NADK2: variants seen among roughly 807,000 people sequenced by gnomAD.
NADK2 encodes NAD kinase 2, mitochondrial.
NADK2 carries 35 observed loss-of-function variants against 62.1 expected under a neutral mutation model. The ratio of observed to expected loss-of-function variants is 0.56; its 90% confidence interval spans 0.43 to 0.75. The LOEUF is 0.75. Among genes scored for constraint, NADK2 ranks in the 30% least tolerant of loss-of-function variants. NADK2 has a pLI of 0.00. For missense variants in NADK2, 439 were observed against 561.3 expected, an observed-to-expected ratio of 0.78 and a Z score of 2.20; for synonymous variants, 205 against 207.9, an observed-to-expected ratio of 0.99 and a Z score of 0.12.
chr5:36,206,484 A>T (rs1422413330), intron 8 of NADK2, among the ~76,000 whole-genome samples: 1 of 151,718 alleles, frequency 6.6e-6, no homozygotes, highest in African/African-American at 2.4e-5. Context: ...GGATTTAGAG[A>T]CTGGGATATA....
chr5:36,217,837 A>G lies in NADK2; in HGVS notation c.692T>C (p.Ile231Thr), dbSNP rs770311243. Residue 231 changes from isoleucine (I) to threonine (T), a missense_variant, in exon 6 of 12, where the codon ATA becomes ACA. Transcript: ENST00000381937. The stretch of plus-strand genomic sequence containing the variant: ...GTGAAGGTCCACAGGTACAGGGTTT[A>G]TGCCAGTCCCTTCAAGGTATAACCT... ...RIRLYLEGTGINPVPVDLHEQ... is the reference protein window; with the variant it reads ...RIRLYLEGTGTNPVPVDLHEQ... The G allele has an allele frequency of 6.2e-7, 1 of 1,614,020 alleles. No homozygotes were observed.
rs1412570590 is a variant in NADK2 at position 36,205,428 on chromosome 5, C to G, written c.956+1742G>C. The stretch of plus-strand genomic sequence containing the variant: ...GCAAAAATAAAAAGCCAAGCGAGAA[C>G]AAAAAGTGTGCTGAGAATTGCAAGT... On this transcript the variant is annotated intron_variant, in intron 8 of 11. Coordinates refer to ENST00000381937, the MANE Select transcript of NADK2 (RefSeq NM_001085411.3). The surrounding 1 kb of genome is among the most constrained non-coding windows in gnomAD (Gnocchi z 4.1). Among the ~76,000 whole-genome samples the G allele has an allele frequency of 1.3e-5, 2 of 151,966 alleles. No homozygotes were observed. Among genetic ancestry groups the G allele is most frequent in the Admixed American group, 1.3e-4 (2 of 15,228 alleles).
chr5:36,222,034 T>C (rs916265425), intron 4 of NADK2: 10 of 152,284 alleles, frequency 6.6e-5, no homozygotes, highest in African/African-American at 2.4e-4. Flanking sequence ...TATAAAACTA[T>C]GCTAGTGACA....
chr5:36,227,614 G>A, intron 1 of NADK2, 49 bp from the exon 2 acceptor site: 2 of 1,019,996 alleles, frequency 2.0e-6, no homozygotes, highest in East Asian at 3.0e-5. Context: ...TATTACACAT[G>A]ATGTTCTAAT....
At chr5:36,230,183 C>G (rs1323539118) in intron 1 of NADK2, among the ~76,000 whole-genome samples, 1 of 152,102 alleles carries the variant, frequency 6.6e-6, no homozygotes, top group Non-Finnish European at 1.5e-5. Context: ...CAGGCTTATG[C>G]CACCTGACTT....
chr5:36,233,280 C>T lies in NADK2; in HGVS notation c.301-5715G>A, dbSNP rs79999953. 7.0e-3 allele frequency among the ~76,000 whole-genome samples: 1,072 copies of T among 152,288 alleles called. 11 individuals carry two copies. The highest frequency in any genetic ancestry group is 0.012 in the Non-Finnish European group (805 of 68,020). On this transcript the variant is annotated intron_variant, in intron 1 of 11. Transcript: ENST00000381937. Reference sequence around the variant, plus strand: ...CCCCTAACTAACCTTAACACCACCACATTTTGGGCGTCGTATGAAAACAAA... The same window carrying T: ...CCCCTAACTAACCTTAACACCACCATATTTTGGGCGTCGTATGAAAACAAA...
intron 1 of NADK2, among the ~76,000 whole-genome samples, chr5:36,235,308 T>G (rs910545392): frequency 6.6e-6 from 1 of 152,230 alleles, no homozygotes. Context: ...GTTAACCAAA[T>G]CAATGCTATT....
At chr5:36,208,796 T>C (rs1746736447) in intron 7 of NADK2, 2 of 742,170 alleles carry the variant, frequency 2.7e-6, no homozygotes, top group East Asian at 2.7e-5. Flanking sequence ...CTGCACTTCA[T>C]ATTTTCCAAG....
At chr5:36,220,844 T>C (rs1338076894) in intron 4 of NADK2, among the ~76,000 whole-genome samples, 1 of 152,140 alleles carries the variant, frequency 6.6e-6, no homozygotes, top group Non-Finnish European at 1.5e-5. Context: ...GGCTGGCAAA[T>C]TGGTGCTGGC....
Position 36,227,005 on chromosome 5 carries a change from G to A in NADK2, c.390-442C>T, listed in dbSNP as rs1747508319. ...TCATTGAGTACCAGACACCGGAATA[G>A]TGACTAAATACTTTGTAATTCGCAT... is the stretch of plus-strand genomic sequence containing the variant. On this transcript the variant is annotated intron_variant, in intron 2 of 11. Coordinates refer to ENST00000381937, the MANE Select transcript of NADK2 (RefSeq NM_001085411.3). Among the ~76,000 whole-genome samples the A allele has an allele frequency of 2.0e-5, 3 of 152,234 alleles. No homozygotes were observed. The South Asian group carries it at 6.2e-4, about 32-fold the overall frequency.
In NADK2 at chr5:36,241,680, T is replaced by C; in HGVS notation, c.119A>G (p.Asp40Gly). ...GPAARPRLGG[D>G]GGGRRHLGQG... The stretch of plus-strand genomic sequence containing the variant: ...CCCCAGGTGCCGCCGGCCGCCACCG[T>C]CACCGCCCAGCCGGGGCCGCGCGGC... Residue 40 changes from aspartate to glycine, a missense_variant, in exon 1 of 12, where the codon GAC (aspartate) becomes GGC (glycine). Transcript: ENST00000381937. This position sits in a 1 kb window ranked among gnomAD's most constrained non-coding sequence, Gnocchi z 4.9. The C allele has an allele frequency of 8.4e-7, 1 of 1,183,676 alleles. No homozygotes were observed. Among genetic ancestry groups the C allele is most frequent in the Non-Finnish European group, 1.0e-6 (1 of 959,898 alleles). 73.3% of individuals were successfully genotyped at this position (1,183,676 alleles called of 1,614,324 possible). A position where few individuals can be genotyped will look rare whatever the true frequency, so the allele number is the denominator to read the frequency against.
chr5:36,237,331 TG>T (rs1390050869), intron 1 of NADK2, among the ~76,000 whole-genome samples: 2 of 151,746 alleles, frequency 1.3e-5, no homozygotes, highest in Non-Finnish European at 2.9e-5. Context: ...CCACAAATGC[TG>T]TTAGGCTAAA....
chr5:36,225,555 T>A lies in NADK2; in HGVS notation c.547A>T (p.Thr183Ser). 6.2e-7 allele frequency: 1 copy of A among 1,613,598 alleles called. No individual in the cohort carries two copies. The highest frequency in any genetic ancestry group is 8.5e-7 in the Non-Finnish European group (1 of 1,179,660). ...DRLKPVIGVN[T>S]DPERSEGHLC... is the part of the protein sequence containing the mutation. ...GTTCTTTCTTACCGTTCTGGATCAG[T>A]GTTTACCCCTATAACTGGTTTAAGT... Residue 183 changes from threonine (T) to serine (S), a missense_variant, in exon 4 of 12, where the codon ACT becomes TCT. Transcript: ENST00000381937.
chr5:36,195,513 C>T (rs1406686596), intron 11 of NADK2, among the ~76,000 whole-genome samples: 4 of 149,270 alleles, frequency 2.7e-5, no homozygotes, highest in Non-Finnish European at 4.4e-5. Context: ...GCAGACCTGA[C>T]TGAACTCACA....
intron 1 of NADK2, among the ~76,000 whole-genome samples, chr5:36,228,118 T>C (rs1457338472): frequency 3.9e-5 from 6 of 152,296 alleles, no homozygotes; most frequent in Middle Eastern, 3.4e-3. Flanking sequence ...CCTTACGAAA[T>C]CTAAACAAAG....
At chr5:36,195,902 T>C (rs1746213413) in intron 11 of NADK2, among the ~76,000 whole-genome samples, 1 of 152,218 alleles carries the variant, frequency 6.6e-6, no homozygotes, top group Admixed American at 6.5e-5. Flanking sequence ...GAATATAATA[T>C]GCACAGTGGT....
rs1747855706 is a variant in NADK2 at position 36,235,161 on chromosome 5, A to G, written c.300+6338T>C. ...TTTTAATGCAGATCATAATTTTTGT[A>G]ATTATTTTCTCTATTACTTTGAAAT... On this transcript the variant is annotated intron_variant, in intron 1 of 11. Transcript: ENST00000381937. Among the ~76,000 whole-genome samples, 2 of 152,148 alleles carry G rather than the reference A, an allele frequency of 1.3e-5. 1 individual carries two copies. The highest frequency in any genetic ancestry group is 1.3e-4 in the Admixed American group (2 of 15,268).
chr5:36,204,850 G>A (rs2112084574), intron 8 of NADK2, among the ~76,000 whole-genome samples: 1 of 152,030 alleles, frequency 6.6e-6, no homozygotes, highest in African/African-American at 2.4e-5. Flanking sequence ...TAACAAGATT[G>A]GGCATGTGTT....
At chr5:36,208,173 C>CAG (rs1211405443) in intron 7 of NADK2, among the ~76,000 whole-genome samples, 1 of 152,086 alleles carries the variant, frequency 6.6e-6, no homozygotes, top group East Asian at 1.9e-4. Flanking sequence ...CTTATTCTAA[C>CAG]CTTTACAGTT....
Sources: gnomAD v4.1 joint callset for allele counts (sites outside exome capture counted in the v4.1 genomes callset) on GRCh38, gnomAD v4.1.1 for gene constraint, Gnocchi (gnomAD v3.1) non-coding constraint, MANE v1.5 for transcripts, NCBI Gene and HGNC (gene_info 2026-07-23, HGNC 2026-07-21) for gene names.